Variants in CHST8 observed in about 807,000 individuals in gnomAD.
CHST8 encodes the protein carbohydrate sulfotransferase 8, also known as GALNAC-4-ST1.
CHST8 carries 10 observed loss-of-function variants against 15.0 expected under a neutral mutation model. That is an observed-to-expected ratio of 0.67 (90% CI 0.41 to 1.13). CHST8 has a LOEUF of 1.13. CHST8 is among the 50% of genes most tolerant of loss of function. CHST8 has a pLI of 0.00. For missense variants in CHST8, 634 were observed against 608.2 expected (o/e 1.04, Z -0.45); for synonymous variants, 259 against 256.6 (o/e 1.01, Z -0.09).
chr19:33,671,722 G>A (rs751175061), intron 2 of CHST8, among the ~76,000 whole-genome samples: 6 of 151,892 alleles, frequency 4.0e-5, no homozygotes, highest in South Asian at 4.2e-4. Flanking sequence ...CCCCTACTGT[G>A]TTTTTCTTCT....
chr19:33,627,818 A>T (rs1003976334), intron 1 of CHST8, among the ~76,000 whole-genome samples: 1 of 152,150 alleles, frequency 6.6e-6, no homozygotes, highest in African/African-American at 2.4e-5. Flanking sequence ...CTTGCACTGT[A>T]CCAGGCCCTG....
chr19:33,639,773 T>A (rs1478034133), intron 1 of CHST8, among the ~76,000 whole-genome samples: 1 of 151,792 alleles, frequency 6.6e-6, no homozygotes, highest in East Asian at 1.9e-4. Context: ...ACATCTTAAG[T>A]GAACAAAAAC....
Position 33,657,270 on chromosome 19 carries a change from C to CT in CHST8, c.-163-10481dup, listed in dbSNP as rs60317430. ...ATATATACACACATACACACACACA[C>CT]TTTTTTTTTTTTTTTTGAGATGGAC... On this transcript the variant is annotated intron_variant, in intron 1 of 4. Transcript: ENST00000650847. Among the ~76,000 whole-genome samples, 1,128 of 140,408 alleles carry CT rather than the reference C, an allele frequency of 8.0e-3. 15 individuals are homozygous for CT. Among genetic ancestry groups the CT allele is most frequent in the African/African-American group, 0.026 (982 of 38,486 alleles). The allele number at this position is 140,408 out of a possible 152,430, so 92.1% of individuals were successfully genotyped here.
intron 3 of CHST8, among the ~76,000 whole-genome samples, chr19:33,758,930 G>C (rs547635785): frequency 2.2e-4 from 33 of 152,280 alleles, no homozygotes; most frequent in Admixed American, 1.0e-3. Context: ...GGCGGGGGGG[G>C]GCGGTGCTCA....
intron 3 of CHST8, among the ~76,000 whole-genome samples, chr19:33,701,026 C>T (rs916227664): frequency 5.3e-5 from 8 of 152,022 alleles, no homozygotes; most frequent in South Asian, 2.1e-4. Context: ...TGCGTCTGGG[C>T]GGTGCTAGCT....
At chr19:33,677,166 G>A (rs964258593) in intron 2 of CHST8, among the ~76,000 whole-genome samples, 1 of 152,150 alleles carries the variant, frequency 6.6e-6, no homozygotes, top group South Asian at 2.1e-4. Context: ...GGCAGGGGGG[G>A]GCACTGGGGC....
intron 2 of CHST8, among the ~76,000 whole-genome samples, chr19:33,681,869 G>A (rs1213260597): frequency 6.7e-6 from 1 of 149,252 alleles, no homozygotes; most frequent in African/African-American, 2.5e-5. Context: ...TTTGGGTTTT[G>A]CTTTTTTTTT....
intron 3 of CHST8, among the ~76,000 whole-genome samples, chr19:33,736,447 C>T (rs542452325): frequency 2.0e-4 from 30 of 152,252 alleles, no homozygotes; most frequent in Non-Finnish European, 2.1e-4. Flanking sequence ...CTGCCTTCCC[C>T]GGGGAATAGT....
At chr19:33,636,466 G>A (rs906483046) in intron 1 of CHST8, among the ~76,000 whole-genome samples, 3 of 152,158 alleles carry the variant, frequency 2.0e-5, no homozygotes, top group African/African-American at 7.2e-5. Flanking sequence ...GTGAGTGCCT[G>A]AGTCTTTGTC....
At chr19:33,715,496 T>A (rs1348193725) in intron 3 of CHST8, among the ~76,000 whole-genome samples, 1 of 152,218 alleles carries the variant, frequency 6.6e-6, no homozygotes, top group Non-Finnish European at 1.5e-5. Flanking sequence ...AAGGCAGAAT[T>A]TCCTTGGGCC....
chr19:33,772,087 A>G lies in CHST8; in HGVS notation c.299A>G (p.Gln100Arg). 6.2e-7 allele frequency: 1 copy of G among 1,612,334 alleles called. No individual in the cohort carries two copies. Among genetic ancestry groups the G allele is most frequent in the Non-Finnish European group, 8.5e-7 (1 of 1,179,722 alleles). ...CCTGACCAGCCTCAACCCCCGCTGC[A>G]GAGGGGAACCCGTCTGCGGCTCCGC... ...PAPDQPQPPL[Q>R]RGTRLRLRQR... is the part of the protein sequence containing the mutation. Residue 100 changes from glutamine to arginine, a missense_variant, in exon 5 of 5, where the codon CAG becomes CGG. Transcript: ENST00000650847.
chr19:33,751,385 A>G (rs1974418001), intron 3 of CHST8, among the ~76,000 whole-genome samples: 1 of 152,220 alleles, frequency 6.6e-6, no homozygotes, highest in Non-Finnish European at 1.5e-5. Flanking sequence ...TAGTGCTTAA[A>G]ATGTTAATTG....
chr19:33,637,430 T>C (rs929371646), intron 1 of CHST8, among the ~76,000 whole-genome samples: 1 of 143,654 alleles, frequency 7.0e-6, no homozygotes, highest in Non-Finnish European at 1.5e-5. Context: ...TGAGACGGAG[T>C]CTCGCTCTGT....
At chr19:33,678,047 C>A (rs1166160625) in intron 2 of CHST8, among the ~76,000 whole-genome samples, 1 of 152,054 alleles carries the variant, frequency 6.6e-6, no homozygotes, top group Non-Finnish European at 1.5e-5. Flanking sequence ...AAAGACAGGA[C>A]ACATGTTCAG....
chr19:33,675,705 G>A (rs540847843), intron 2 of CHST8, among the ~76,000 whole-genome samples: 33 of 152,330 alleles, frequency 2.2e-4, no homozygotes, highest in African/African-American at 7.2e-4. Flanking sequence ...CAGGGCTGCC[G>A]TAACAAAGTC....
intron 3 of CHST8, among the ~76,000 whole-genome samples, chr19:33,718,560 C>T (rs1272297630): frequency 6.6e-6 from 1 of 152,222 alleles, no homozygotes; most frequent in East Asian, 1.9e-4. Context: ...CGTCCCCTTC[C>T]CATCTTCCAA....
Position 33,773,417 on chromosome 19 carries a change from G to A in CHST8, c.*354G>A, listed in dbSNP as rs1262449884. On this transcript the variant is annotated 3_prime_UTR_variant, in exon 5 of 5. Transcript: ENST00000650847. The stretch of plus-strand genomic sequence containing the variant: ...CCCGCACTCCCTTAGCCATTGCCTT[G>A]GACCAAACCACGTGGTTTGCAGCTT... The A allele has an allele frequency of 3.7e-6, 1 of 269,108 alleles. No homozygotes were observed. The highest frequency in any genetic ancestry group is 7.0e-6 in the Non-Finnish European group (1 of 141,902). The allele number at this position is 269,108 out of a possible 1,614,324, so 16.7% of individuals were successfully genotyped here.
intron 2 of CHST8, among the ~76,000 whole-genome samples, chr19:33,677,645 T>C (rs757866767): frequency 2.8e-4 from 42 of 152,292 alleles, no homozygotes; most frequent in Non-Finnish European, 4.6e-4. Context: ...GCCTACTTAC[T>C]GGCTGGGAAA....
In CHST8 at chr19:33,772,652, G is replaced by T. The variant is rs61733524; in HGVS notation, c.864G>T (p.Leu288=). The change falls in exon 5 of 5, where the codon CTG becomes CTT. Residue 288 remains leucine (L), a synonymous_variant. Transcript: ENST00000650847. ...ACCCGGTCTTCGGCAAGGCCATCCT[G>T]GCCCGGTACCGCGCCAATGCCTCTC... ...YYHPVFGKAI[L]ARYRANASRE... 10,605 of 1,613,894 alleles carry T rather than the reference G, an allele frequency of 6.6e-3. 578 individuals are homozygous for T. In the African/African-American group the frequency reaches 0.12, roughly 19 times the overall value.
Sources: allele counts gnomAD v4.1 joint callset (sites outside exome capture counted in the v4.1 genomes callset), GRCh38; gene constraint gnomAD v4.1.1; transcripts MANE v1.5; gene names NCBI Gene and HGNC (gene_info 2026-07-23, HGNC 2026-07-21).